LYPLAL1: variants seen among roughly 807,000 people sequenced by gnomAD.
LYPLAL1 encodes lysophospholipase-like protein 1.
Under a neutral mutation model 19.7 loss-of-function variants are expected in LYPLAL1, and 23 were observed. The ratio of observed to expected loss-of-function variants is 1.17; its 90% CI spans 0.84 to 1.65. LYPLAL1 has a LOEUF of 1.65. Among genes scored for constraint, LYPLAL1 ranks in the 40% most tolerant of loss-of-function variants. The pLI, the probability that LYPLAL1 is intolerant of heterozygous loss-of-function variation, is 0.00. For synonymous variants in LYPLAL1, 119 were observed against 96.3 expected (o/e 1.24, Z -1.38); for missense variants, 355 against 279.4 (o/e 1.27, Z -1.93).
chr1:219,281,645 T>C, the LYPLAL1 span, among the ~76,000 whole-genome samples: 3 of 152,024 alleles, frequency 2.0e-5, no homozygotes, highest in Non-Finnish European at 4.4e-5. Context: ...GAAGGCTCTT[T>C]CTCTCCAAAA....
chr1:219,314,359 C>T, the LYPLAL1 span, among the ~76,000 whole-genome samples: 1 of 152,226 alleles, frequency 6.6e-6, no homozygotes, highest in African/African-American at 2.4e-5. Context: ...ATTGCTGTAT[C>T]AAATGGTAAT....
the LYPLAL1 span, among the ~76,000 whole-genome samples, chr1:219,261,865 T>C: frequency 6.6e-6 from 1 of 152,222 alleles, no homozygotes; most frequent in African/African-American, 2.4e-5. Flanking sequence ...AGGTGTTCTT[T>C]GAGCGCCTTG....
the LYPLAL1 span, among the ~76,000 whole-genome samples, chr1:219,259,784 T>TA: frequency 3.3e-5 from 5 of 150,762 alleles, no homozygotes; most frequent in African/African-American, 7.3e-5. Flanking sequence ...ACTATTGAAA[T>TA]AAAAAAATAT....
chr1:219,235,152 G>A, the LYPLAL1 span, among the ~76,000 whole-genome samples: 2 of 152,158 alleles, frequency 1.3e-5, no homozygotes, highest in African/African-American at 2.4e-5. Flanking sequence ...ATTGGGGCTT[G>A]ACTGCAGAAC....
At chr1:219,402,321 C>A in the LYPLAL1 span, among the ~76,000 whole-genome samples, 7 of 151,794 alleles carry the variant, frequency 4.6e-5, no homozygotes, top group Admixed American at 2.6e-4. Context: ...TGAATCAGAT[C>A]CCAAACAAAA....
chr1:219,237,771 T>A, the LYPLAL1 span, among the ~76,000 whole-genome samples: 7 of 152,200 alleles, frequency 4.6e-5, no homozygotes, highest in Non-Finnish European at 1.5e-5. Context: ...TTATGCTTCC[T>A]GTTTTATGGC....
chr1:219,322,020 G>C, the LYPLAL1 span, among the ~76,000 whole-genome samples: 5 of 152,144 alleles, frequency 3.3e-5, no homozygotes, highest in African/African-American at 1.2e-4. Context: ...TCTATATTTA[G>C]CACACCTATA....
At chr1:219,202,768 C>T (rs1658221250) in intron 3 of LYPLAL1, among the ~76,000 whole-genome samples, 1 of 152,054 alleles carries the variant, frequency 6.6e-6, no homozygotes, top group Admixed American at 6.5e-5. Flanking sequence ...ACCTAAACTC[C>T]TGGACTCAGT....
At chr1:219,418,067 G>A in the LYPLAL1 span, among the ~76,000 whole-genome samples, 116,793 of 152,082 alleles carry the variant, frequency 0.77, 45,210 homozygotes, top group Non-Finnish European at 0.81. Flanking sequence ...CAGCTACTGC[G>A]TTCTCTCCTG....
chr1:219,296,827 C>G, the LYPLAL1 span, among the ~76,000 whole-genome samples: 129 of 152,232 alleles, frequency 8.5e-4, no homozygotes, highest in African/African-American at 3.0e-3. Flanking sequence ...AGGGACTGTT[C>G]CTACAGATAG....
At chr1:219,257,293 A>G in the LYPLAL1 span, among the ~76,000 whole-genome samples, 4 of 151,030 alleles carry the variant, frequency 2.6e-5, no homozygotes, top group African/African-American at 4.9e-5. Flanking sequence ...TTTTAGCATT[A>G]TGAAAAATAT....
chr1:219,331,151 T>G, the LYPLAL1 span, among the ~76,000 whole-genome samples: 1 of 152,156 alleles, frequency 6.6e-6, no homozygotes, highest in Non-Finnish European at 1.5e-5. Context: ...GAAAAACACT[T>G]GGTAATATAG....
At chr1:219,390,066 A>G in the LYPLAL1 span, among the ~76,000 whole-genome samples, 3 of 151,368 alleles carry the variant, frequency 2.0e-5, no homozygotes, top group Admixed American at 1.3e-4. Flanking sequence ...TTCTTGTTCT[A>G]TGTGTCACAA....
the LYPLAL1 span, among the ~76,000 whole-genome samples, chr1:219,244,577 T>C: frequency 6.6e-6 from 1 of 152,134 alleles, no homozygotes; most frequent in African/African-American, 2.4e-5. Context: ...GGAAAAATGT[T>C]CCTAAAAGTC....
chr1:219,228,958 C>T, the LYPLAL1 span, among the ~76,000 whole-genome samples: 16 of 152,082 alleles, frequency 1.1e-4, no homozygotes, highest in African/African-American at 3.4e-4. Context: ...GGATTACAGA[C>T]GTGAACCACT....
Position 219,210,590 on chromosome 1 carries a change from T to C in LYPLAL1, c.420T>C (p.Asp140=), listed in dbSNP as rs760852099. Residue 140 remains aspartate, a synonymous_variant, in exon 4 of 5, where the codon GAT becomes GAC. Transcript: ENST00000366928. ...ATTTAGCATATAGAAATCATCAAGATGTGGCAGGAGTATTTGCTCTTTCTA... is the reference window on the plus strand; with the variant it reads ...ATTTAGCATATAGAAATCATCAAGACGTGGCAGGAGTATTTGCTCTTTCTA... ...AIHLAYRNHQ[D]VAGVFALSSF... 6.2e-7 allele frequency: 1 copy of C among 1,610,696 alleles called. No individual in the cohort carries two copies. Among genetic ancestry groups the C allele is most frequent in the East Asian group, 2.2e-5 (1 of 44,758 alleles).
At chr1:219,419,313 C>A in the LYPLAL1 span, among the ~76,000 whole-genome samples, 2 of 152,272 alleles carry the variant, frequency 1.3e-5, no homozygotes, top group East Asian at 3.9e-4. Flanking sequence ...ACAGCCATGT[C>A]TCTGCATCAT....
At chr1:219,409,784 C>T in the LYPLAL1 span, 1 of 152,168 alleles carries the variant, frequency 6.6e-6, no homozygotes, top group Non-Finnish European at 1.5e-5. Flanking sequence ...CGGCAGGTTT[C>T]TATGAGCCAG....
the LYPLAL1 span, among the ~76,000 whole-genome samples, chr1:219,226,195 T>C: frequency 6.6e-6 from 1 of 152,204 alleles, no homozygotes; most frequent in African/African-American, 2.4e-5. Context: ...CCTAGTACAG[T>C]GATTGCCACA....
Sources: allele counts gnomAD v4.1 joint callset (sites outside exome capture counted in the v4.1 genomes callset), GRCh38; gene constraint gnomAD v4.1.1; transcripts MANE v1.5; gene names NCBI Gene and HGNC (gene_info 2026-07-23, HGNC 2026-07-21).